LEMD1: variants seen among roughly 807,000 people sequenced by gnomAD.
LEMD1 encodes the protein LEM domain-containing protein 1.
A neutral mutation model predicts 17.4 loss-of-function variants in LEMD1; 18 were observed. That is an observed-to-expected ratio of 1.04 (90% CI 0.72 to 1.54). The LOEUF is 1.54. LEMD1 is among the 40% of genes most tolerant of loss of function. LEMD1 has a pLI of 0.00. For missense variants in LEMD1, 195 were observed against 210.4 expected (o/e 0.93, Z 0.45); for synonymous variants, 88 against 77.8 (o/e 1.13, Z -0.69).
chr1:205,426,287 T>C (rs1666053994), upstream of LEMD1, among the ~76,000 whole-genome samples: 1 of 152,196 alleles, frequency 6.6e-6, no homozygotes, highest in Non-Finnish European at 1.5e-5. Flanking sequence ...AAAAACCGCA[T>C]GCAATAAATT....
At chr1:205,427,539 A>G (rs1666074154) in intron 1 of LEMD1, among the ~76,000 whole-genome samples, 1 of 152,016 alleles carries the variant, frequency 6.6e-6, no homozygotes, top group African/African-American at 2.4e-5. Flanking sequence ...GCGCACACTC[A>G]AGGGAATGGG....
At chr1:205,440,453 C>T (rs947809100) in intron 1 of LEMD1, among the ~76,000 whole-genome samples, 2 of 152,226 alleles carry the variant, frequency 1.3e-5, no homozygotes, top group African/African-American at 2.4e-5. Flanking sequence ...GAGTCTCACA[C>T]TTCCGCCCTG....
At position 205,395,226 on chromosome 1, in the gene LEMD1, G is replaced by A. The variant is rs138507702; in HGVS notation, c.271-10862C>T. On this transcript the variant is annotated intron_variant, in intron 4 of 5. Transcript: ENST00000367153. The stretch of plus-strand genomic sequence containing the variant: ...ACCGATGGAAAAATCTTAACCACCT[G>A]TAAATTTGGGTATGGTTAGATTCAA... Among the ~76,000 whole-genome samples the A allele has an allele frequency of 8.3e-3, 1,268 of 152,256 alleles. 12 individuals are homozygous for A. The highest frequency in any genetic ancestry group is 0.029 in the African/African-American group (1,210 of 41,554).
chr1:205,404,563 C>T (rs1405147019), intron 4 of LEMD1, among the ~76,000 whole-genome samples: 1 of 152,144 alleles, frequency 6.6e-6, no homozygotes, highest in East Asian at 1.9e-4. Context: ...GGTAGATCTT[C>T]CTCCATCCTT....
chr1:205,440,463 G>C (rs2102464175), intron 1 of LEMD1: 1 of 152,350 alleles, frequency 6.6e-6, no homozygotes, highest in African/African-American at 2.4e-5. Context: ...CTTCCGCCCT[G>C]GAGGCCTTCT....
At chr1:205,449,757 C>G (rs1023902308) in intron 1 of LEMD1, 1 of 153,224 alleles carries the variant, frequency 6.5e-6, no homozygotes, top group South Asian at 2.1e-4. Flanking sequence ...CATGGGCCCC[C>G]AGAACCCCAG....
At chr1:205,409,842 A>C (rs1413461025) in intron 4 of LEMD1, among the ~76,000 whole-genome samples, 1 of 151,332 alleles carries the variant, frequency 6.6e-6, no homozygotes, top group Non-Finnish European at 1.5e-5. Context: ...GCACTATCTC[A>C]GCTCACTGCA....
intron 2 of LEMD1, 103 bp from the exon 3 acceptor site, chr1:205,419,455 A>C: frequency 7.6e-7 from 1 of 1,308,836 alleles, no homozygotes; most frequent in African/African-American, 1.5e-5. Flanking sequence ...CTTAACCCTT[A>C]CATTATTGGT....
intron 4 of LEMD1, among the ~76,000 whole-genome samples, chr1:205,408,099 G>T (rs1665205979): frequency 6.6e-6 from 1 of 152,160 alleles, no homozygotes; most frequent in South Asian, 2.1e-4. Context: ...TTCCTGGAGT[G>T]GTTGTGGATG....
intron 4 of LEMD1, among the ~76,000 whole-genome samples, chr1:205,389,613 T>C (rs17346510): frequency 0.24 from 37,157 of 152,106 alleles, 4,633 homozygotes; most frequent in South Asian, 0.39. Flanking sequence ...GGGATGTCCC[T>C]GAAGCTTAGG....
intron 1 of LEMD1, among the ~76,000 whole-genome samples, chr1:205,427,227 TAAAAA>T (rs1429126563): frequency 1.3e-5 from 2 of 151,968 alleles, no homozygotes; most frequent in Non-Finnish European, 2.9e-5. Context: ...TCTCAGGAGC[TAAAAA>T]CACTGTTTTC....
At chr1:205,442,237 G>C (rs998261056) in intron 1 of LEMD1, among the ~76,000 whole-genome samples, 12 of 152,286 alleles carry the variant, frequency 7.9e-5, no homozygotes, top group Admixed American at 7.2e-4. Flanking sequence ...CAAGTGCTGC[G>C]GGGAAGGAGG....
intron 4 of LEMD1, among the ~76,000 whole-genome samples, chr1:205,394,953 C>T (rs575442008): frequency 2.7e-5 from 4 of 150,842 alleles, no homozygotes; most frequent in African/African-American, 9.8e-5. Flanking sequence ...CCCTACTGCA[C>T]TACAGCCTGG....
chr1:205,419,734 G>A (rs558485319), intron 2 of LEMD1, among the ~76,000 whole-genome samples: 1 of 152,248 alleles, frequency 6.6e-6, no homozygotes, highest in Admixed American at 6.5e-5. Flanking sequence ...CCAAATTGCT[G>A]GGATTACAGA....
chr1:205,390,131 G>T (rs1384243388), intron 4 of LEMD1, among the ~76,000 whole-genome samples: 1 of 152,154 alleles, frequency 6.6e-6, no homozygotes, highest in African/African-American at 2.4e-5. Context: ...GAGTCAGGTG[G>T]ATCACTTGAG....
chr1:205,419,155 A>G, intron 3 of LEMD1, 75 bp downstream of exon 3: 1 of 1,548,194 alleles, frequency 6.5e-7, no homozygotes, highest in South Asian at 1.2e-5. Flanking sequence ...CACCATTTAA[A>G]GCTGCATAAA....
intron 1 of LEMD1, among the ~76,000 whole-genome samples, chr1:205,428,461 CT>C (rs961815982): frequency 1.3e-5 from 2 of 152,170 alleles, no homozygotes; most frequent in East Asian, 1.9e-4. Flanking sequence ...AATTTTGGTG[CT>C]ATGAATACAA....
intron 4 of LEMD1, among the ~76,000 whole-genome samples, chr1:205,403,826 C>A (rs1024000651): frequency 2.0e-5 from 3 of 151,962 alleles, no homozygotes; most frequent in Admixed American, 2.0e-4. Flanking sequence ...CCTGCTTTCT[C>A]TTGTGGGCAT....
intron 4 of LEMD1, among the ~76,000 whole-genome samples, chr1:205,393,386 AAAAGG>A (rs927748317): frequency 5.2e-5 from 5 of 96,248 alleles, no homozygotes; most frequent in Non-Finnish European, 1.1e-4. Flanking sequence ...ATTAAAAAAA[AAAAGG>A]AAGACCGGGC....
Sources: gnomAD v4.1 joint callset for allele counts (sites outside exome capture counted in the v4.1 genomes callset) on GRCh38, gnomAD v4.1.1 for gene constraint, MANE v1.5 for transcripts, NCBI Gene and HGNC (gene_info 2026-07-23, HGNC 2026-07-21) for gene names.